The following B4GALNT3 variants were observed in gnomAD, a reference collection of about 807,000 sequenced individuals.
B4GALNT3 encodes the protein beta-1,4-N-acetylgalactosaminyltransferase 3.
In B4GALNT3, 86 loss-of-function variants were observed where a neutral mutation model predicts 120.2. That is an observed-to-expected ratio of 0.72 (90% confidence interval 0.60 to 0.86). The LOEUF is 0.86. B4GALNT3 is among the 40% of genes least tolerant of loss of function. The pLI, the probability that B4GALNT3 is intolerant of heterozygous loss-of-function variation, is 0.00. For missense variants in B4GALNT3, 1,167 were observed against 1,298.9 expected (o/e 0.90, Z 1.56); for synonymous variants, 518 against 510.4 (o/e 1.01, Z -0.20).
intron 1 of B4GALNT3, among the ~76,000 whole-genome samples, chr12:493,819 A>G (rs556895854): frequency 1.1e-4 from 17 of 152,278 alleles, no homozygotes; most frequent in African/African-American, 4.1e-4. Flanking sequence ...CAATAGATAG[A>G]GGTAGGGGGT....
In B4GALNT3 at chr12:561,769, C is replaced by T. The variant is rs1483208736; in HGVS notation, c.*318C>T. On this transcript the variant is annotated 3_prime_UTR_variant, in exon 20 of 20. Coordinates refer to ENST00000266383, the MANE Select transcript of B4GALNT3 (RefSeq NM_173593.4). ...TCTGACTGAGCGACACCATCCTCATCCATGAAGGTGCACGCCCACATCCCC... is the reference window on the plus strand; with the variant it reads ...TCTGACTGAGCGACACCATCCTCATTCATGAAGGTGCACGCCCACATCCCC... The T allele has an allele frequency of 3.7e-6, 1 of 268,342 alleles. No individual in the cohort carries two copies. Among genetic ancestry groups the T allele is most frequent in the Non-Finnish European group, 7.2e-6 (1 of 139,566 alleles). The allele number at this position is 268,342 out of a possible 1,614,324, so 16.6% of individuals were successfully genotyped here.
chr12:492,932 C>T (rs938903972), intron 1 of B4GALNT3, among the ~76,000 whole-genome samples: 3 of 151,916 alleles, frequency 2.0e-5, no homozygotes, highest in African/African-American at 4.8e-5. Flanking sequence ...GTTCTTACAC[C>T]CTTTACAAAA....
intron 1 of B4GALNT3, among the ~76,000 whole-genome samples, chr12:527,845 C>T (rs916640171): frequency 6.6e-6 from 1 of 152,150 alleles, no homozygotes; most frequent in African/African-American, 2.4e-5. Context: ...GTTGGGTCTC[C>T]ACACTCTTCC....
intron 1 of B4GALNT3, among the ~76,000 whole-genome samples, chr12:512,245 A>G (rs1483669803): frequency 3.2e-5 from 1 of 31,086 alleles, no homozygotes; most frequent in African/African-American, 2.1e-4. Flanking sequence ...TCCACCTTCC[A>G]CCTTCTTCCA....
chr12:541,415 C>T (rs1405226855), intron 3 of B4GALNT3, among the ~76,000 whole-genome samples: 3 of 152,228 alleles, frequency 2.0e-5, no homozygotes, highest in Non-Finnish European at 4.4e-5. Flanking sequence ...GACCAGTGCC[C>T]CTCCCTGGGC....
chr12:474,354 CTT>C (rs906978740), intron 1 of B4GALNT3, among the ~76,000 whole-genome samples: 2 of 152,192 alleles, frequency 1.3e-5, no homozygotes, highest in African/African-American at 4.8e-5. Flanking sequence ...CCTCACAACA[CTT>C]TTTCCGCACG....
chr12:527,922 G>T (rs557192706), intron 1 of B4GALNT3, among the ~76,000 whole-genome samples: 180 of 151,334 alleles, frequency 1.2e-3, no homozygotes, highest in South Asian at 2.1e-3. Context: ...ATGGTCTGGG[G>T]GTGTGTGTGT....
At chr12:480,431 G>T (rs934320474) in intron 1 of B4GALNT3, among the ~76,000 whole-genome samples, 2 of 148,016 alleles carry the variant, frequency 1.4e-5, no homozygotes, top group Non-Finnish European at 3.0e-5. Flanking sequence ...AGGCTTGACG[G>T]TGTGGTTCCT....
intron 19 of B4GALNT3, among the ~76,000 whole-genome samples, chr12:560,522 G>GT (rs537050504): frequency 6.6e-6 from 1 of 152,144 alleles, no homozygotes; most frequent in Non-Finnish European, 1.5e-5. Context: ...GTCTATTGGT[G>GT]TTTTTTCCCG....
At chr12:479,363 G>T (rs1387089555) in intron 1 of B4GALNT3, among the ~76,000 whole-genome samples, 1 of 152,146 alleles carries the variant, frequency 6.6e-6, no homozygotes, top group African/African-American at 2.4e-5. Flanking sequence ...GGCTTTGATG[G>T]TGTCACTGCC....
chr12:525,467 G>A (rs920673638), intron 1 of B4GALNT3, among the ~76,000 whole-genome samples: 1 of 152,190 alleles, frequency 6.6e-6, no homozygotes, highest in African/African-American at 2.4e-5. Context: ...CGTTGCTGGT[G>A]AGGTGATGCT....
intron 11 of B4GALNT3, among the ~76,000 whole-genome samples, chr12:551,698 G>A (rs1448187055): frequency 3.3e-5 from 5 of 152,130 alleles, no homozygotes; most frequent in Non-Finnish European, 5.9e-5. Flanking sequence ...CTAGGGCTGT[G>A]GGAGGTTGCA....
chr12:511,403 C>T (rs529927425), intron 1 of B4GALNT3, among the ~76,000 whole-genome samples: 2 of 124,054 alleles, frequency 1.6e-5, no homozygotes, highest in African/African-American at 6.1e-5. Flanking sequence ...CTGTCTTCCA[C>T]CTTCCTTCCA....
intron 17 of B4GALNT3, 46 bp from the exon 18 acceptor site, chr12:558,462 G>C: frequency 6.3e-7 from 1 of 1,591,636 alleles, no homozygotes; most frequent in Non-Finnish European, 8.6e-7. Context: ...TGACCTCCTA[G>C]CTCTGGTCTG....
intron 14 of B4GALNT3, 150 bp downstream of exon 14, chr12:554,133 A>G (rs1435972743): frequency 3.2e-6 from 2 of 627,546 alleles, no homozygotes; most frequent in African/African-American, 1.8e-5. Context: ...GGGAAGGACA[A>G]GTGCCCGGGG....
At chr12:513,963 A>G (rs35882350) in intron 1 of B4GALNT3, among the ~76,000 whole-genome samples, 33,599 of 152,168 alleles carry the variant, frequency 0.22, 4,078 homozygotes, top group South Asian at 0.3. Context: ...ATAGTTGATG[A>G]TGGACATTTG....
chr12:545,317 T>G, intron 5 of B4GALNT3, 52 bp from the exon 6 acceptor site: 2 of 1,564,026 alleles, frequency 1.3e-6, no homozygotes, highest in Non-Finnish European at 8.7e-7. Flanking sequence ...GCCTCCAGCT[T>G]TTATGCTGAT....
At chr12:463,631 G>A (rs181590938) in intron 1 of B4GALNT3, among the ~76,000 whole-genome samples, 12 of 152,226 alleles carry the variant, frequency 7.9e-5, no homozygotes, top group African/African-American at 2.4e-4. Context: ...AACATAGGAC[G>A]CATATGTTTC....
intron 1 of B4GALNT3, among the ~76,000 whole-genome samples, chr12:518,882 C>T (rs561448288): frequency 5.3e-5 from 8 of 152,162 alleles, no homozygotes; most frequent in South Asian, 4.2e-4. Context: ...GTTGAATCCA[C>T]GGATATGAAA....
Sources: allele counts gnomAD v4.1 joint callset (sites outside exome capture counted in the v4.1 genomes callset), GRCh38; gene constraint gnomAD v4.1.1; transcripts MANE v1.5; gene names NCBI Gene and HGNC (gene_info 2026-07-23, HGNC 2026-07-21).